MMP26: variants seen among roughly 807,000 people sequenced by gnomAD.
MMP26 encodes the protein matrix metallopeptidase 26.
In MMP26, 33 loss-of-function variants were observed where a neutral mutation model predicts 31.0. The ratio of observed to expected loss-of-function variants is 1.06; its 90% CI spans 0.81 to 1.42. The LOEUF (loss-of-function observed/expected upper bound fraction) is 1.42, where lower values mean the gene tolerates loss of function less well. Ranked by LOEUF, MMP26 falls within the 40% of genes most tolerant of loss-of-function variation. The pLI, the probability that MMP26 is intolerant of heterozygous loss-of-function variation, is 0.00. For missense variants in MMP26, 347 were observed against 316.1 expected, an observed-to-expected ratio of 1.10 and a Z score of -0.74; for synonymous variants, 122 against 114.9, an observed-to-expected ratio of 1.06 and a Z score of -0.40.
intron 2 of MMP26, chr11:4,923,267 T>C: frequency 9.6e-6 from 11 of 1,143,460 alleles, no homozygotes; most frequent in Non-Finnish European, 1.2e-5. Context: ...GCACAGCCAA[T>C]TGCCTTTTTG....
rs138412158 is a variant in MMP26 at position 4,968,467 on chromosome 11, C to A, written c.-144-19601C>A. ...CATTTAGGATTTGATTTTGGAAAGG[C>A]AACATTTTCAAAAATAAAAAAAAAG... On this transcript the variant is annotated intron_variant, in intron 2 of 7. Coordinates refer to ENST00000380390, the MANE Select transcript of MMP26 (RefSeq NM_021801.5). Among the ~76,000 whole-genome samples, 78 of 151,460 alleles carry A rather than the reference C, an allele frequency of 5.1e-4. 2 individuals are homozygous for A. The highest frequency in any genetic ancestry group is 1.3e-3 in the Admixed American group (20 of 15,232).
intron 1 of MMP26, among the ~76,000 whole-genome samples, chr11:4,725,082 T>TC (rs568740479): frequency 6.6e-6 from 1 of 152,058 alleles, no homozygotes; most frequent in Non-Finnish European, 1.5e-5. Context: ...GTATGGCACC[T>TC]CCCCCTTGCT....
Position 4,955,763 on chromosome 11 carries a change from A to G in MMP26, c.-144-32305A>G, listed in dbSNP as rs1846434433. The G allele has an allele frequency of 2.0e-6, 3 of 1,535,366 alleles. No individual in the cohort carries two copies. In the South Asian group the frequency reaches 3.7e-5, roughly 19 times the overall value. The stretch of plus-strand genomic sequence containing the variant: ...GAAAAATACAGATACACCTGACCTC[A>G]GGTGATCCGCTTGCTTGTGTTGGTA... On this transcript the variant is annotated intron_variant, in intron 2 of 7. Coordinates refer to ENST00000380390, the MANE Select transcript of MMP26 (RefSeq NM_021801.5).
At chr11:4,817,185 A>G (rs1047492435) in intron 2 of MMP26, among the ~76,000 whole-genome samples, 3 of 152,162 alleles carry the variant, frequency 2.0e-5, no homozygotes, top group Non-Finnish European at 4.4e-5. Flanking sequence ...TGGCCTAGGA[A>G]AGTATTATAC....
At chr11:4,958,211 C>G (rs1330597557) in intron 2 of MMP26, among the ~76,000 whole-genome samples, 1 of 152,168 alleles carries the variant, frequency 6.6e-6, no homozygotes, top group Non-Finnish European at 1.5e-5. Flanking sequence ...GCATTTCAAT[C>G]CCCTCTTCTT....
Position 4,953,897 on chromosome 11 carries a change from C to T in MMP26, c.-144-34171C>T, listed in dbSNP as rs1846398575. ...TGAAACCCTGTCTCTACAAAAAATA[C>T]AAAAATCAGCCAGGCGTGGTGACAT... On this transcript the variant is annotated intron_variant, in intron 2 of 7. Transcript: ENST00000380390. Among the ~76,000 whole-genome samples, 3 of 124,654 alleles carry T rather than the reference C, an allele frequency of 2.4e-5. No homozygotes were observed. The South Asian group carries it at 7.2e-4, about 30-fold the overall frequency. 81.8% of individuals were successfully genotyped at this position (124,654 alleles called of 152,430 possible).
intron 2 of MMP26, among the ~76,000 whole-genome samples, chr11:4,828,341 C>G (rs1032167088): frequency 6.6e-5 from 10 of 152,176 alleles, no homozygotes; most frequent in Admixed American, 5.2e-4. Flanking sequence ...CACTGACGAT[C>G]CATAGTTGTC....
intron 2 of MMP26, among the ~76,000 whole-genome samples, chr11:4,790,852 T>C (rs1399938557): frequency 6.6e-6 from 1 of 152,216 alleles, no homozygotes; most frequent in East Asian, 1.9e-4. Flanking sequence ...CATAGCTTAA[T>C]AGTTACTGAC....
intron 2 of MMP26, among the ~76,000 whole-genome samples, chr11:4,879,163 G>A (rs1246393660): frequency 1.3e-5 from 2 of 152,050 alleles, no homozygotes; most frequent in South Asian, 2.1e-4. Flanking sequence ...GAACCCAGGA[G>A]GTGGAAGTTG....
In MMP26 at chr11:4,853,063, A is replaced by G. The variant is rs183830100; in HGVS notation, c.-145+85722A>G. 1.7e-4 allele frequency among the ~76,000 whole-genome samples: 26 copies of G among 152,356 alleles called. No homozygotes were observed. The East Asian group carries it at 3.9e-3, about 23-fold the overall frequency. ...GGGTTTGAGGGGATGTGGGGGAAAT[A>G]GGGAAATGTGAGTCAAAGGATAGAA... On this transcript the variant is annotated intron_variant, in intron 2 of 7. Transcript: ENST00000380390.
At chr11:4,793,551 A>T (rs1169368291) in intron 2 of MMP26, among the ~76,000 whole-genome samples, 1 of 152,176 alleles carries the variant, frequency 6.6e-6, no homozygotes, top group Non-Finnish European at 1.5e-5. Context: ...CAGCATTTTA[A>T]AAACAGTACT....
rs115865721 is a variant in MMP26 at position 4,717,815 on chromosome 11, C to G, written c.-217+12770C>G. Among the ~76,000 whole-genome samples the G allele has an allele frequency of 8.7e-3, 1,325 of 152,244 alleles. 21 individuals are homozygous for G. Among genetic ancestry groups the G allele is most frequent in the African/African-American group, 0.03 (1,250 of 41,528 alleles). ...AGTAACTCATCATGTGGTAACCCAG[C>G]TGGTAAATGTCAAGAGTATTTTAAC... On this transcript the variant is annotated intron_variant, in intron 1 of 7. Coordinates refer to ENST00000380390, the MANE Select transcript of MMP26 (RefSeq NM_021801.5).
intron 2 of MMP26, among the ~76,000 whole-genome samples, chr11:4,958,682 A>G (rs748601979): frequency 2.0e-5 from 3 of 152,016 alleles, no homozygotes; most frequent in Non-Finnish European, 4.4e-5. Context: ...CTAACTTACC[A>G]TCTATAACAA....
intron 2 of MMP26, chr11:4,803,396 G>T: frequency 7.6e-7 from 1 of 1,315,608 alleles, no homozygotes; most frequent in South Asian, 1.4e-5. Context: ...CACATTAGTG[G>T]GGCAATGTAA....
At chr11:4,942,295 T>C (rs1846226115) in intron 2 of MMP26, among the ~76,000 whole-genome samples, 1 of 151,922 alleles carries the variant, frequency 6.6e-6, no homozygotes, top group Non-Finnish European at 1.5e-5. Flanking sequence ...GTTTATTATT[T>C]ATTTATTTAT....
intron 1 of MMP26, among the ~76,000 whole-genome samples, chr11:4,719,788 C>A (rs1847986438): frequency 1.3e-5 from 2 of 152,128 alleles, no homozygotes; most frequent in South Asian, 2.1e-4. Flanking sequence ...AACATTTGTA[C>A]ATTTGAGATG....
At chr11:4,890,150 C>A (rs1369771557) in intron 2 of MMP26, 1 of 152,178 alleles carries the variant, frequency 6.6e-6, no homozygotes, top group African/African-American at 2.4e-5. Flanking sequence ...CCCATTTTGG[C>A]AACTCTGGCA....
chr11:4,849,390 G>A (rs1849941207), intron 2 of MMP26, among the ~76,000 whole-genome samples: 1 of 152,144 alleles, frequency 6.6e-6, no homozygotes, highest in African/African-American at 2.4e-5. Context: ...CATCCTAATA[G>A]TATATGCAGC....
chr11:4,869,117 C>A (rs1007039029), intron 2 of MMP26, among the ~76,000 whole-genome samples: 8 of 152,064 alleles, frequency 5.3e-5, no homozygotes, highest in African/African-American at 1.7e-4. Context: ...AAAAATCCTA[C>A]AAGAAAACCT....
Sources: gnomAD v4.1 joint callset for allele counts (sites outside exome capture counted in the v4.1 genomes callset) on GRCh38, gnomAD v4.1.1 for gene constraint, MANE v1.5 for transcripts, NCBI Gene and HGNC (gene_info 2026-07-23, HGNC 2026-07-21) for gene names.